A2M: variants seen among roughly 807,000 people sequenced by gnomAD.
A2M encodes the protein C3 and PZP-like alpha-2-macroglobulin domain-containing protein 5.
Under a neutral mutation model 183.9 loss-of-function variants are expected in A2M, and 128 were observed. The ratio of observed to expected loss-of-function variants is 0.70; its 90% CI spans 0.60 to 0.81. The LOEUF is 0.81. A2M is among the 30% of genes least tolerant of loss of function. The probability of loss-of-function intolerance (pLI) is 0.00; values close to 1 mark genes in which losing one functional copy is unlikely to be tolerated. For missense variants in A2M, 1,495 were observed against 1,787.6 expected (o/e 0.84, Z 2.95); for synonymous variants, 592 against 670.8 (o/e 0.88, Z 1.81).
Position 9,076,831 on chromosome 12 carries a change from C to T in A2M, c.3457G>A (p.Ala1153Thr), listed in dbSNP as rs776853773. 6.2e-7 allele frequency: 1 copy of T among 1,614,074 alleles called. No homozygotes were observed. Among genetic ancestry groups the T allele is most frequent in the Middle Eastern group, 1.7e-4 (1 of 6,022 alleles). Residue 1153 changes from alanine (A) to threonine (T), a missense_variant, in exon 28 of 36, where the codon GCT becomes ACT. Ala to Thr is a moderately conservative substitution (Grantham distance 58). Coordinates refer to ENST00000318602, the MANE Select transcript of A2M (RefSeq NM_000014.6). ...TCCTGGTTACCTGCCAGGGCAAAAG[C>T]ATAGGCCAGCAGTGCTTTGGTATAT... ...HVYTKALLAY[A>T]FALAGNQDKR...
Position 9,093,453 on chromosome 12 carries a change from G to A in A2M, c.2240+12C>T. 3 of 1,589,440 alleles carry A rather than the reference G, an allele frequency of 1.9e-6. No homozygotes were observed. The highest frequency in any genetic ancestry group is 1.3e-5 in the African/African-American group (1 of 74,552). The stretch of plus-strand genomic sequence containing the variant: ...CTATTGTTGCATATTGCATATGCAG[G>A]AAGTTACTTACTTTACCACCACCAA... On this transcript the variant is annotated intron_variant, in intron 18 of 35. Transcript: ENST00000318602.
chr12:9,080,664 T>C (rs1439821174), intron 22 of A2M, among the ~76,000 whole-genome samples: 1 of 152,234 alleles, frequency 6.6e-6, no homozygotes, highest in African/African-American at 2.4e-5. Flanking sequence ...ACAAAGATAG[T>C]ATTTTTATGG....
chr12:9,090,177 T>C (rs1424905171), intron 20 of A2M, among the ~76,000 whole-genome samples, 154 bp from the exon 21 acceptor site: 2 of 152,178 alleles, frequency 1.3e-5, no homozygotes, highest in African/African-American at 2.4e-5. Context: ...TGAATGATAC[T>C]GAGAATTCAA....
rs1949176703 is a variant in A2M, at chr12:9,090,442, A to C, written c.2510T>G (p.Val837Gly). ...AGGCGCTTGTTCCTTCTCCACTGGGACAGCTAGGAAGGCGGGAGAGGCTTC... is the reference window on the plus strand; with the variant it reads ...AGGCGCTTGTTCCTTCTCCACTGGGCCAGCTAGGAAGGCGGGAGAGGCTTC... ...QLEASPAFLA[V>G]PVEKEQAPHC... The change falls in exon 20 of 36, where the codon GTC (valine) becomes GGC (glycine). Residue 837 changes from valine (V) to glycine (G), a missense_variant. Coordinates refer to ENST00000318602, the MANE Select transcript of A2M (RefSeq NM_000014.6). 3 of 1,613,984 alleles carry C rather than the reference A, an allele frequency of 1.9e-6. No homozygotes were observed. The highest frequency in any genetic ancestry group is 2.5e-6 in the Non-Finnish European group (3 of 1,179,876).
intron 22 of A2M, among the ~76,000 whole-genome samples, chr12:9,087,335 CAA>C (rs1378716811): frequency 6.6e-6 from 1 of 152,064 alleles, no homozygotes; most frequent in East Asian, 1.9e-4. Context: ...TTTTAAAAAA[CAA>C]GAACATTCTG....
chr12:9,089,023 G>A lies in A2M; in HGVS notation c.2770+177C>T, dbSNP rs138499632. ...ATCAAGACTCAGAATGCAGGCCTAG[G>A]GATATTCTGATCAAATTACTTGGCC... is the stretch of plus-strand genomic sequence containing the variant. On this transcript the variant is annotated intron_variant, in intron 22 of 35. Coordinates refer to ENST00000318602, the MANE Select transcript of A2M (RefSeq NM_000014.6). Among the ~76,000 whole-genome samples, 425 of 152,208 alleles carry A rather than the reference G, an allele frequency of 2.8e-3. 2 individuals are homozygous for A. The highest frequency in any genetic ancestry group is 9.8e-3 in the African/African-American group (407 of 41,528).
intron 29 of A2M, among the ~76,000 whole-genome samples, chr12:9,074,306 GA>G (rs1396001208): frequency 7.2e-5 from 11 of 152,138 alleles, no homozygotes; most frequent in Admixed American, 2.6e-4. Flanking sequence ...GCTGCTTGAG[GA>G]AGGCAGTGTT....
chr12:9,107,537 T>C lies in A2M; in HGVS notation c.866A>G (p.Lys289Arg). 1 of 1,613,928 alleles carries C rather than the reference T, an allele frequency of 6.2e-7. No individual in the cohort carries two copies. The highest frequency in any genetic ancestry group is 8.5e-7 in the Non-Finnish European group (1 of 1,179,840). The change falls in exon 8 of 36, where the codon AAA (lysine) becomes AGA (arginine). Residue 289 changes from lysine (K) to arginine (R), a missense_variant. Lys to Arg is a conservative substitution (Grantham distance 26). Coordinates refer to ENST00000318602, the MANE Select transcript of A2M (RefSeq NM_000014.6). Reference protein sequence around the residue: ...HGEDSQAFCEKFSGQLNSHGC... With the variant: ...HGEDSQAFCERFSGQLNSHGC... ...TGTTCAACCTACCTGTCCACTGAAT[T>C]TCTCACAGAAAGCCTGTGAATCTTC...
chr12:9,104,517 G>T, intron 10 of A2M, 117 bp from the exon 11 acceptor site: 1 of 1,077,014 alleles, frequency 9.3e-7, no homozygotes, highest in Non-Finnish European at 1.3e-6. Context: ...CAGGCACTGA[G>T]GACACAGCAG....
chr12:9,099,972 T>C (rs1001679963), intron 13 of A2M, among the ~76,000 whole-genome samples: 7 of 152,260 alleles, frequency 4.6e-5, no homozygotes, highest in Non-Finnish European at 8.8e-5. Flanking sequence ...CCTATGTAGA[T>C]TCTTTAGAGG....
At chr12:9,097,505 G>A (rs1321009070) in intron 15 of A2M, among the ~76,000 whole-genome samples, 2 of 152,032 alleles carry the variant, frequency 1.3e-5, no homozygotes, top group Non-Finnish European at 2.9e-5. Flanking sequence ...TTTTCAAAGA[G>A]TTCAGTTATC....
At chr12:9,077,612 C>G in intron 26 of A2M, 89 bp downstream of exon 26, 1 of 1,555,814 alleles carries the variant, frequency 6.4e-7, no homozygotes, top group Non-Finnish European at 8.7e-7. Flanking sequence ...CTGAGGCTTT[C>G]CCTTAGAATT....
intron 7 of A2M, among the ~76,000 whole-genome samples, chr12:9,109,063 A>G (rs1409124686): frequency 6.6e-6 from 1 of 151,882 alleles, no homozygotes; most frequent in African/African-American, 2.4e-5. Flanking sequence ...CAGTTTTGTC[A>G]CTTTCAGAAT....
chr12:9,079,720 T>C lies in A2M; in HGVS notation c.2950A>G (p.Ile984Val). The C allele has an allele frequency of 6.2e-7, 1 of 1,613,698 alleles. No individual in the cohort carries two copies. The highest frequency in any genetic ancestry group is 2.2e-5 in the East Asian group (1 of 44,862). Residue 984 changes from isoleucine to valine, a missense_variant, in exon 24 of 36, where the codon ATC (isoleucine) becomes GTC (valine). Coordinates refer to ENST00000318602, the MANE Select transcript of A2M (RefSeq NM_000014.6). Reference protein sequence around the residue: ...EQNMVLFAPNIYVLDYLNETQ... With the variant: ...EQNMVLFAPNVYVLDYLNETQ... ...TCATTTAGATAATCCAGTACATAGA[T>C]GTTAGGAGCAAAGAGGACCATATTC...
rs776462123 is a variant in A2M at position 9,068,197 on chromosome 12, G to A, written c.4394C>T (p.Ala1465Val). The A allele has an allele frequency of 1.9e-6, 3 of 1,611,080 alleles. No homozygotes were observed. Among genetic ancestry groups the A allele is most frequent in the Non-Finnish European group, 2.5e-6 (3 of 1,179,454 alleles). Residue 1465 changes from alanine to valine, a missense_variant, in exon 35 of 36, where the codon GCT becomes GTT. Coordinates refer to ENST00000318602, the MANE Select transcript of A2M (RefSeq NM_000014.6). ...GAGTGGCTTACCTTTGCTGCAAGGA[G>A]CATTGTACTCAGCAATTGCAAACTC... ...TDEFAIAEYNAPCSKDLGNA is the reference protein window; with the variant it reads ...TDEFAIAEYNVPCSKDLGNA
chr12:9,092,949 G>A (rs1949257115), intron 18 of A2M, among the ~76,000 whole-genome samples: 1 of 152,236 alleles, frequency 6.6e-6, no homozygotes, highest in Non-Finnish European at 1.5e-5. Context: ...CCTGCCACTT[G>A]TGACAACATG....
intron 11 of A2M, 135 bp downstream of exon 11, chr12:9,104,104 C>T: frequency 1.2e-6 from 1 of 861,880 alleles, no homozygotes; most frequent in African/African-American, 1.8e-5. Context: ...AAAAAGTTAA[C>T]CTTCAATCGG....
intron 26 of A2M, 43 bp downstream of exon 26, chr12:9,077,658 A>G (rs1948786253): frequency 6.2e-7 from 1 of 1,603,242 alleles, no homozygotes; most frequent in African/African-American, 1.3e-5. Flanking sequence ...ATCCTTGCAG[A>G]TATCATAATG....
intron 18 of A2M, 33 bp downstream of exon 18, chr12:9,093,416 AGTCAGGGACCTCTATT>A: frequency 7.8e-7 from 1 of 1,280,548 alleles, no homozygotes; most frequent in Non-Finnish European, 1.1e-6. Context: ...AGTTGAAAAT[AGTCAGGGACCTCTATT>A]GTTGCATATT....
Sources: gnomAD v4.1 joint callset for allele counts (sites outside exome capture counted in the v4.1 genomes callset) on GRCh38, gnomAD v4.1.1 for gene constraint, MANE v1.5 for transcripts, NCBI Gene and HGNC (gene_info 2026-07-23, HGNC 2026-07-21) for gene names.